UBQLN1: variants seen among roughly 807,000 people sequenced by gnomAD.
UBQLN1 encodes ubiquilin-1.
Under a neutral mutation model 65.4 loss-of-function variants are expected in UBQLN1, and 13 were observed. That is an observed-to-expected ratio of 0.20 (90% confidence interval 0.13 to 0.32). UBQLN1 has a LOEUF of 0.32. UBQLN1 is among the 10% of genes least tolerant of loss of function. The probability of loss-of-function intolerance (pLI) is 1.00; values close to 1 mark genes in which losing one functional copy is unlikely to be tolerated. For missense variants in UBQLN1, 561 were observed against 724.0 expected, an observed-to-expected ratio of 0.77 and a Z score of 2.58; for synonymous variants, 267 against 247.8, an observed-to-expected ratio of 1.08 and a Z score of -0.73.
intron 4 of UBQLN1, 62 bp downstream of exon 4, chr9:83,679,713 G>T: frequency 6.5e-7 from 1 of 1,547,812 alleles, no homozygotes; most frequent in Non-Finnish European, 8.8e-7. Flanking sequence ...ATTAACCACA[G>T]AAAATTAAAT....
chr9:83,696,820 G>A (rs559378926), intron 1 of UBQLN1, among the ~76,000 whole-genome samples: 266 of 152,232 alleles, frequency 1.7e-3, no homozygotes, highest in Non-Finnish European at 3.0e-3. Context: ...TACAGTACTC[G>A]GGGGCAGGGG....
intron 6 of UBQLN1, among the ~76,000 whole-genome samples, chr9:83,672,011 AC>A (rs1306033168): frequency 6.6e-6 from 1 of 152,222 alleles, no homozygotes; most frequent in African/African-American, 2.4e-5. Flanking sequence ...CTCACCTTGT[AC>A]CTTTACATTA....
intron 1 of UBQLN1, among the ~76,000 whole-genome samples, chr9:83,697,360 G>A (rs1053822809): frequency 6.6e-6 from 1 of 150,666 alleles, no homozygotes; most frequent in African/African-American, 2.4e-5. Context: ...AGACCAGTCT[G>A]GCCAACATAA....
intron 1 of UBQLN1, among the ~76,000 whole-genome samples, chr9:83,689,494 A>G (rs992240381): frequency 6.6e-5 from 10 of 152,240 alleles, no homozygotes; most frequent in Non-Finnish European, 1.3e-4. Context: ...CCCAACAACT[A>G]CAGAATAAGC....
intron 2 of UBQLN1, among the ~76,000 whole-genome samples, chr9:83,685,251 A>T (rs528099762): frequency 6.2e-4 from 94 of 152,306 alleles, no homozygotes; most frequent in African/African-American, 2.2e-3. Context: ...ATCCTGGAGA[A>T]AATACTGGAG....
At chr9:83,677,291 A>C (rs2131157152) in intron 6 of UBQLN1, among the ~76,000 whole-genome samples, 1 of 152,332 alleles carries the variant, frequency 6.6e-6, no homozygotes, top group South Asian at 2.1e-4. Context: ...GACCAGGTGC[A>C]GCGGCTCACA....
At chr9:83,664,923 CAAAAAAA>C (rs539581441) in intron 9 of UBQLN1, 100 bp downstream of exon 9, 158 of 231,668 alleles carry the variant, frequency 6.8e-4, no homozygotes, top group Admixed American at 1.3e-3. Context: ...TGTATCCCAC[CAAAAAAA>C]AAAAAAAAAA....
chr9:83,688,322 TAATA>T (rs1251662363), intron 1 of UBQLN1, among the ~76,000 whole-genome samples: 1 of 152,184 alleles, frequency 6.6e-6, no homozygotes, highest in Non-Finnish European at 1.5e-5. Context: ...CTGATACAGC[TAATA>T]AACTGGTAGT....
rs530597158 is a variant in UBQLN1, at chr9:83,704,020, T to C, written c.180+3480A>G. On this transcript the variant is annotated intron_variant, in intron 1 of 10. Coordinates refer to ENST00000376395, the MANE Select transcript of UBQLN1 (RefSeq NM_013438.5). ...AATCTACATTACATAGAAATACTTA[T>C]TGAAAGAAATTTTAACTTATAGAAA... is the stretch of plus-strand genomic sequence containing the variant. Among the ~76,000 whole-genome samples, 14 of 152,318 alleles carry C rather than the reference T, an allele frequency of 9.2e-5. 1 individual carries two copies. In the South Asian group the frequency reaches 1.7e-3, roughly 18 times the overall value.
At position 83,660,895 on chromosome 9, in the gene UBQLN1, A is replaced by AC. The variant is rs1190506995; in HGVS notation, c.*891_*892insG. The AC allele has an allele frequency of 1.3e-5, 2 of 152,636 alleles. No homozygotes were observed. Among genetic ancestry groups the AC allele is most frequent in the Non-Finnish European group, 2.9e-5 (2 of 68,038 alleles). The allele number at this position is 152,636 out of a possible 1,614,324, so 9.5% of individuals were successfully genotyped here. A position where few individuals can be genotyped will look rare whatever the true frequency, so the allele number is the denominator to read the frequency against. The stretch of plus-strand genomic sequence containing the variant: ...ACTTTTTCAGTGAAAGCAACATTTC[A>AC]ATTACAAATTTTAATGCCTGTTAAA... On this transcript the variant is annotated 3_prime_UTR_variant, in exon 11 of 11. Coordinates refer to ENST00000376395, the MANE Select transcript of UBQLN1 (RefSeq NM_013438.5).
At chr9:83,691,185 T>C (rs965362929) in intron 1 of UBQLN1, among the ~76,000 whole-genome samples, 15 of 135,154 alleles carry the variant, frequency 1.1e-4, no homozygotes, top group East Asian at 3.7e-4. Context: ...CATATATATA[T>C]ACACATATAA....
At chr9:83,672,131 G>C (rs2131150270) in intron 6 of UBQLN1, among the ~76,000 whole-genome samples, 1 of 152,312 alleles carries the variant, frequency 6.6e-6, no homozygotes, top group East Asian at 1.9e-4. Flanking sequence ...AAGAGAGTTA[G>C]GGCCTTGCTC....
At chr9:83,665,225 C>A in intron 8 of UBQLN1, 80 bp from the exon 9 acceptor site, 2 of 1,073,188 alleles carry the variant, frequency 1.9e-6, no homozygotes, top group Non-Finnish European at 2.7e-6. Flanking sequence ...CTCTGTTATG[C>A]TTCTGGAGAA....
intron 6 of UBQLN1, among the ~76,000 whole-genome samples, chr9:83,671,010 GGAGT>G (rs1831720749): frequency 6.6e-6 from 1 of 152,028 alleles, no homozygotes; most frequent in Non-Finnish European, 1.5e-5. Context: ...CACCCAGGCT[GGAGT>G]GAGGGGAGTG....
chr9:83,666,962 A>G (rs1587638177), intron 7 of UBQLN1: 1 of 152,364 alleles, frequency 6.6e-6, no homozygotes, highest in African/African-American at 2.4e-5. Context: ...TAACACCGCA[A>G]AACAGCAACC....
chr9:83,666,023 C>T (rs1373731080), intron 8 of UBQLN1, among the ~76,000 whole-genome samples: 1 of 152,074 alleles, frequency 6.6e-6, no homozygotes, highest in East Asian at 1.9e-4. Flanking sequence ...AACCATAAAG[C>T]GTAACATGAC....
At chr9:83,705,508 G>A (rs1035845242) in intron 1 of UBQLN1, among the ~76,000 whole-genome samples, 7 of 152,212 alleles carry the variant, frequency 4.6e-5, no homozygotes, top group Non-Finnish European at 8.8e-5. Flanking sequence ...CTCACAAAGT[G>A]CTGGGATTAC....
intron 10 of UBQLN1, among the ~76,000 whole-genome samples, chr9:83,662,273 TACACAC>T (rs370539805): frequency 0.056 from 8,041 of 143,318 alleles, 438 homozygotes; most frequent in African/African-American, 0.15. Context: ...CATATACATA[TACACAC>T]ACACACACAC....
At chr9:83,683,129 A>C in intron 2 of UBQLN1, 63 bp from the exon 3 acceptor site, 2 of 1,221,624 alleles carry the variant, frequency 1.6e-6, no homozygotes, top group Middle Eastern at 2.9e-4. Context: ...AGAACCACCA[A>C]AGGCCAGGCA....
Sources: allele counts gnomAD v4.1 joint callset (sites outside exome capture counted in the v4.1 genomes callset), GRCh38; gene constraint gnomAD v4.1.1; transcripts MANE v1.5; gene names NCBI Gene and HGNC (gene_info 2026-07-23, HGNC 2026-07-21).